DDX25: variants seen among roughly 807,000 people sequenced by gnomAD.
The protein encoded by DDX25 is ATP-dependent RNA helicase DDX25.
A neutral mutation model predicts 64.6 loss-of-function variants in DDX25; 70 were observed. The ratio of observed to expected loss-of-function variants is 1.08; its 90% CI spans 0.89 to 1.32. DDX25 has a LOEUF of 1.32. DDX25 is among the 40% of genes most tolerant of loss of function. The probability of loss-of-function intolerance (pLI) is 0.00; values close to 1 mark genes in which losing one functional copy is unlikely to be tolerated. For synonymous variants in DDX25, 211 were observed against 213.3 expected, an observed-to-expected ratio of 0.99 and a Z score of 0.09; for missense variants, 587 against 604.4, an observed-to-expected ratio of 0.97 and a Z score of 0.30.
intron 8 of DDX25, 81 bp from the exon 9 acceptor site, chr11:125,916,933 G>A (rs137989955): frequency 2.9e-5 from 40 of 1,357,284 alleles, no homozygotes; most frequent in East Asian, 5.0e-5. Context: ...TGCGTGCAGC[G>A]GCTGATGGCA....
intron 4 of DDX25, 129 bp downstream of exon 4, chr11:125,906,338 G>C: frequency 3.3e-6 from 4 of 1,213,330 alleles, no homozygotes; most frequent in Non-Finnish European, 4.4e-6. Flanking sequence ...TTTGTTATTT[G>C]AGACAGAGTC....
At chr11:125,904,335 T>TGCCCCCCGCCCCGCTCTGG (rs1944842766), upstream of DDX25, 1 of 409,112 alleles carries the variant, frequency 2.4e-6, no homozygotes, top group African/African-American at 2.1e-5. Context: ...CCCCGCTCTC[T>TGCCCCCCGCCCCGCTCTGG]GCCCTCCGCC....
At position 125,918,057 on chromosome 11, in the gene DDX25, T is replaced by G. The variant is rs567691382; in HGVS notation, c.1039-571T>G. Among the ~76,000 whole-genome samples, 971 of 152,224 alleles carry G rather than the reference T, an allele frequency of 6.4e-3. 6 individuals are homozygous for G. The highest frequency in any genetic ancestry group is 0.022 in the African/African-American group (932 of 41,526). ...CCACACCTGGCTAATTTTTGTATTTTTTTAGTAGAGACGGGGTTTCACCAT... is the reference window on the plus strand; with the variant it reads ...CCACACCTGGCTAATTTTTGTATTTGTTTAGTAGAGACGGGGTTTCACCAT... On this transcript the variant is annotated intron_variant, in intron 9 of 11. Coordinates refer to ENST00000263576, the MANE Select transcript of DDX25 (RefSeq NM_013264.5).
At chr11:125,917,402 C>T (rs1395290397) in intron 9 of DDX25, among the ~76,000 whole-genome samples, 151 bp downstream of exon 9, 2 of 152,094 alleles carry the variant, frequency 1.3e-5, no homozygotes, top group Non-Finnish European at 2.9e-5. Flanking sequence ...ACAGAAATTA[C>T]CTGTATTTTA....
intron 4 of DDX25, among the ~76,000 whole-genome samples, chr11:125,906,452 A>G (rs959034971): frequency 2.0e-5 from 3 of 151,724 alleles, no homozygotes; most frequent in African/African-American, 7.3e-5. Context: ...AGTAGCTGGG[A>G]CTACAGGCAT....
In DDX25 at chr11:125,918,808, G is replaced by A; in HGVS notation, c.1201+18G>A. On this transcript the variant is annotated intron_variant, in intron 10 of 11. Transcript: ENST00000263576. ...TGCCCGAGGTGTGTGTTAAAAGTCAGGTCTTGAGTTCTAATTTGCATATGA... is the reference window on the plus strand; with the variant it reads ...TGCCCGAGGTGTGTGTTAAAAGTCAAGTCTTGAGTTCTAATTTGCATATGA... 1.3e-6 allele frequency: 2 copies of A among 1,544,924 alleles called. No homozygotes were observed. The highest frequency in any genetic ancestry group is 2.4e-5 in the South Asian group (2 of 83,488).
chr11:125,922,717 A>G, intron 11 of DDX25, 103 bp from the exon 12 acceptor site: 1 of 1,083,000 alleles, frequency 9.2e-7, no homozygotes, highest in Non-Finnish European at 1.3e-6. Context: ...TCCTATACCA[A>G]GGCTTTTTAT....
rs1945151226 is a variant in DDX25 at position 125,924,536 on chromosome 11, A to G, written c.*1655A>G. Reference sequence around the variant, plus strand: ...CACTCAGGATCTCCTACAGGAGAGCAGGATGTATTCAACTGTGCCTTCTCA... The same window carrying G: ...CACTCAGGATCTCCTACAGGAGAGCGGGATGTATTCAACTGTGCCTTCTCA... On this transcript the variant is annotated 3_prime_UTR_variant, in exon 12 of 12. Coordinates refer to ENST00000263576, the MANE Select transcript of DDX25 (RefSeq NM_013264.5). The G allele has an allele frequency of 6.6e-6, 1 of 152,338 alleles. No homozygotes were observed. The highest frequency in any genetic ancestry group is 2.4e-5 in the African/African-American group (1 of 41,478). 9.4% of individuals were successfully genotyped at this position (152,338 alleles called of 1,614,324 possible). A position where few individuals can be genotyped will look rare whatever the true frequency, so the allele number is the denominator to read the frequency against.
Position 125,925,050 on chromosome 11 carries a change from T to C in DDX25, c.*2169T>C, listed in dbSNP as rs1945155415. On this transcript the variant is annotated 3_prime_UTR_variant, in exon 12 of 12. Coordinates refer to ENST00000263576, the MANE Select transcript of DDX25 (RefSeq NM_013264.5). ...TCACTAATAATTTTTTTTTAGGTTT[T>C]CCATCCTAGTTTTGAACCCCAATTA... 1 of 160,852 alleles carries C rather than the reference T, an allele frequency of 6.2e-6. No individual in the cohort carries two copies. The highest frequency in any genetic ancestry group is 2.4e-5 in the African/African-American group (1 of 41,634). 10.0% of individuals were successfully genotyped at this position (160,852 alleles called of 1,614,324 possible). A position where few individuals can be genotyped will look rare whatever the true frequency, so the allele number is the denominator to read the frequency against.
At chr11:125,912,291 A>C (rs1944977100) in intron 8 of DDX25, among the ~76,000 whole-genome samples, 2 of 152,148 alleles carry the variant, frequency 1.3e-5, no homozygotes, top group African/African-American at 2.4e-5. Flanking sequence ...TACCTTTCCT[A>C]TCCCCCCATT....
At chr11:125,915,741 CCT>C (rs1344090930) in intron 8 of DDX25, among the ~76,000 whole-genome samples, 12 of 152,262 alleles carry the variant, frequency 7.9e-5, no homozygotes, top group Admixed American at 4.6e-4. Flanking sequence ...GTTCTTTCCC[CCT>C]GATTCTCTGG....
At chr11:125,918,994 A>G (rs1591520845) in intron 10 of DDX25, among the ~76,000 whole-genome samples, 1 of 152,128 alleles carries the variant, frequency 6.6e-6, no homozygotes, top group East Asian at 1.9e-4. Flanking sequence ...CCTGGCAACT[A>G]CTGATCAGAT....
intron 4 of DDX25, among the ~76,000 whole-genome samples, chr11:125,907,334 C>A (rs528168405): frequency 1.3e-5 from 2 of 152,102 alleles, no homozygotes; most frequent in Non-Finnish European, 2.9e-5. Context: ...GTTGGCCGGG[C>A]GCGGTGGCTC....
intron 10 of DDX25, among the ~76,000 whole-genome samples, chr11:125,919,082 T>C (rs1945078310): frequency 6.6e-6 from 1 of 152,244 alleles, no homozygotes; most frequent in Non-Finnish European, 1.5e-5. Flanking sequence ...CCACCTGACA[T>C]AATGCTCGTA....
chr11:125,920,919 TACACACACACAC>T (rs3034729), intron 10 of DDX25: 607 of 265,128 alleles, frequency 2.3e-3, no homozygotes, highest in East Asian at 8.9e-3. Flanking sequence ...CACACACACA[TACACACACACAC>T]ACACACACAC....
Position 125,910,408 on chromosome 11 carries a change from C to T in DDX25, c.552C>T (p.Gly184=), listed in dbSNP as rs757072917. The stretch of plus-strand genomic sequence containing the variant: ...CTTATGAATTGGCTCTGCAAACTGG[C>T]CGTGTGGTTGAGCAGATGGGAAAAT... ...APTYELALQT[G]RVVEQMGKFC... is the part of the protein sequence containing the mutation. The change falls in exon 7 of 12, where the codon GGC becomes GGT. Residue 184 remains glycine (G), a synonymous_variant. Transcript: ENST00000263576. 6.2e-7 allele frequency: 1 copy of T among 1,613,966 alleles called. No homozygotes were observed. Among genetic ancestry groups the T allele is most frequent in the South Asian group, 1.1e-5 (1 of 91,062 alleles).
chr11:125,915,119 C>T (rs1945019927), intron 8 of DDX25, among the ~76,000 whole-genome samples: 1 of 152,148 alleles, frequency 6.6e-6, no homozygotes, highest in Non-Finnish European at 1.5e-5. Context: ...CCAAAAAGGG[C>T]TTTCTAAGAA....
In DDX25 at chr11:125,922,967, C is replaced by G; in HGVS notation, c.*86C>G. On this transcript the variant is annotated 3_prime_UTR_variant, in exon 12 of 12. Transcript: ENST00000263576. ...TGAAGGTAATTTTTTTATGTTGAGG[C>G]TTTTTCGACGTGAAACTGTCACAGA... 8.1e-7 allele frequency: 1 copy of G among 1,237,240 alleles called. No homozygotes were observed. The highest frequency in any genetic ancestry group is 1.5e-5 in the African/African-American group (1 of 66,048). The allele number at this position is 1,237,240 out of a possible 1,614,324, so 76.6% of individuals were successfully genotyped here.
In DDX25 at chr11:125,905,196, TTG is replaced by T. The variant is rs760102486; in HGVS notation, c.64-12_64-11del. 7 of 1,551,298 alleles carry T rather than the reference TTG, an allele frequency of 4.5e-6. No individual in the cohort carries two copies. The highest frequency in any genetic ancestry group is 8.7e-7 in the Non-Finnish European group (1 of 1,146,758). ...CTTGCATCCTAATATTGGTTGAAATTTGTGTCTCTCAATAGTTTTCAAACCTC... is the reference window on the plus strand; with the variant it reads ...CTTGCATCCTAATATTGGTTGAAATTTGTCTCTCAATAGTTTTCAAACCTC... On this transcript the variant is annotated splice_polypyrimidine_tract_variant and intron_variant, in intron 1 of 11. Coordinates refer to ENST00000263576, the MANE Select transcript of DDX25 (RefSeq NM_013264.5).
Sources: gnomAD v4.1 joint callset for allele counts (sites outside exome capture counted in the v4.1 genomes callset) on GRCh38, gnomAD v4.1.1 for gene constraint, MANE v1.5 for transcripts, NCBI Gene and HGNC (gene_info 2026-07-23, HGNC 2026-07-21) for gene names.